The following GRHL2 variants were observed in gnomAD, a reference collection of about 807,000 sequenced individuals.
GRHL2 encodes grainyhead-like protein 2 homolog.
A neutral mutation model predicts 83.8 loss-of-function variants in GRHL2; 21 were observed. The ratio of observed to expected loss-of-function variants is 0.25; its 90% CI spans 0.18 to 0.36. The LOEUF (loss-of-function observed/expected upper bound fraction) is 0.36, where lower values mean the gene tolerates loss of function less well. Ranked by LOEUF, GRHL2 falls within the 10% of genes least tolerant of loss-of-function variation. GRHL2 has a pLI of 1.00. For synonymous variants in GRHL2, 280 were observed against 278.9 expected (o/e 1.00, Z -0.04); for missense variants, 623 against 781.8 (o/e 0.80, Z 2.42).
chr8:101,560,297 G>C (rs1422354812), intron 4 of GRHL2, among the ~76,000 whole-genome samples: 1 of 152,208 alleles, frequency 6.6e-6, no homozygotes, highest in African/African-American at 2.4e-5. Flanking sequence ...CCGAAGTGCT[G>C]GGATAGTGGT....
At chr8:101,575,519 G>A (rs1472850007) in intron 6 of GRHL2, among the ~76,000 whole-genome samples, 3 of 152,020 alleles carry the variant, frequency 2.0e-5, no homozygotes, top group Non-Finnish European at 2.9e-5. Context: ...CTTACTCCCC[G>A]GCTCTGGAGC....
intron 1 of GRHL2, among the ~76,000 whole-genome samples, chr8:101,507,860 C>T (rs1005244073): frequency 6.1e-5 from 9 of 148,046 alleles, no homozygotes; most frequent in African/African-American, 1.8e-4. Context: ...TCACTGCAAC[C>T]TCCGTCTCCC....
At chr8:101,582,897 T>C (rs1209194415) in intron 7 of GRHL2, among the ~76,000 whole-genome samples, 1 of 152,166 alleles carries the variant, frequency 6.6e-6, no homozygotes, top group Non-Finnish European at 1.5e-5. Flanking sequence ...AGGTTTAACA[T>C]GAATATCTTG....
intron 1 of GRHL2, among the ~76,000 whole-genome samples, chr8:101,508,206 A>G (rs1048359004): frequency 6.6e-6 from 1 of 152,190 alleles, no homozygotes; most frequent in Non-Finnish European, 1.5e-5. Flanking sequence ...TTTGGTTCAT[A>G]TTTCCAAATT....
downstream of GRHL2, among the ~76,000 whole-genome samples, chr8:101,669,970 T>G (rs1408838759): frequency 3.3e-5 from 5 of 152,226 alleles, no homozygotes; most frequent in Non-Finnish European, 7.3e-5. Flanking sequence ...GGGTGGTTAT[T>G]CTTGGCCAGT....
At chr8:101,637,710 C>G (rs1813317770) in intron 12 of GRHL2, among the ~76,000 whole-genome samples, 1 of 152,182 alleles carries the variant, frequency 6.6e-6, no homozygotes. Flanking sequence ...ATGGAGAGTT[C>G]ATGTGTGTGA....
chr8:101,664,620 C>A, intron 15 of GRHL2, 102 bp downstream of exon 15: 1 of 833,672 alleles, frequency 1.2e-6, no homozygotes, highest in Non-Finnish European at 2.0e-6. Context: ...CTGTTGCCCA[C>A]TTTTCATAAA....
intron 7 of GRHL2, among the ~76,000 whole-genome samples, chr8:101,595,767 A>G (rs548229990): frequency 1.3e-4 from 7 of 53,118 alleles, no homozygotes; most frequent in East Asian, 3.9e-4. Flanking sequence ...ATACCCTAAG[A>G]AAAAAAAAAT....
At chr8:101,584,587 C>T (rs1351488303) in intron 7 of GRHL2, among the ~76,000 whole-genome samples, 1 of 151,920 alleles carries the variant, frequency 6.6e-6, no homozygotes, top group African/African-American at 2.4e-5. Flanking sequence ...TTTATTTAAA[C>T]TGTTAAAAAA....
chr8:101,677,041 T>A, the GRHL2 span, among the ~76,000 whole-genome samples: 1 of 151,412 alleles, frequency 6.6e-6, no homozygotes, highest in African/African-American at 2.4e-5. Context: ...AAGGGGAATA[T>A]CACACTCCAG....
At chr8:101,647,876 TGGGAGGAGG>T (rs1485063109) in intron 13 of GRHL2, among the ~76,000 whole-genome samples, 3 of 150,936 alleles carry the variant, frequency 2.0e-5, no homozygotes, top group East Asian at 3.9e-4. Flanking sequence ...CCCCCAGGAT[TGGGAGGAGG>T]GGGAGGAGGG....
the GRHL2 span, among the ~76,000 whole-genome samples, chr8:101,676,104 AC>A: frequency 6.6e-6 from 1 of 151,322 alleles, no homozygotes; most frequent in East Asian, 1.9e-4. Flanking sequence ...AACCATAAAA[AC>A]CCTAGAAGAA....
chr8:101,589,855 A>G (rs1013895698), intron 7 of GRHL2, among the ~76,000 whole-genome samples: 1 of 152,140 alleles, frequency 6.6e-6, no homozygotes, highest in African/African-American at 2.4e-5. Context: ...TTATGTATGG[A>G]AAGGTGCTCA....
chr8:101,568,377 G>T (rs913133009), intron 4 of GRHL2, among the ~76,000 whole-genome samples: 1 of 152,090 alleles, frequency 6.6e-6, no homozygotes, highest in Non-Finnish European at 1.5e-5. Context: ...CCCTTGCTTG[G>T]GTTACTTTCT....
At chr8:101,612,711 G>A (rs1812777801) in intron 8 of GRHL2, among the ~76,000 whole-genome samples, 1 of 150,866 alleles carries the variant, frequency 6.6e-6, no homozygotes, top group African/African-American at 2.5e-5. Context: ...TATTGTTTAT[G>A]AAAGCAAGAG....
At chr8:101,566,255 C>A (rs1811715246) in intron 4 of GRHL2, among the ~76,000 whole-genome samples, 1 of 152,022 alleles carries the variant, frequency 6.6e-6, no homozygotes, top group Non-Finnish European at 1.5e-5. Context: ...CATTTTATAC[C>A]TTAGGAGGAT....
At chr8:101,571,143 A>G (rs984179912) in intron 5 of GRHL2, among the ~76,000 whole-genome samples, 2 of 147,802 alleles carry the variant, frequency 1.4e-5, no homozygotes, top group African/African-American at 2.4e-5. Flanking sequence ...GTCCTGCTAC[A>G]GAGATATATA....
chr8:101,652,186 C>A (rs146850145), intron 14 of GRHL2, among the ~76,000 whole-genome samples: 1 of 151,312 alleles, frequency 6.6e-6, no homozygotes, highest in South Asian at 2.1e-4. Flanking sequence ...TACTAGTGCA[C>A]GACACTTTAC....
rs182786506 is a variant in GRHL2 at position 101,669,445 on chromosome 8, T to G, written c.*2742T>G. On this transcript the variant is annotated 3_prime_UTR_variant, in exon 16 of 16. Coordinates refer to ENST00000646743, the MANE Select transcript of GRHL2 (RefSeq NM_024915.4). ...TCCCTGCCCAGAAACTTAGGAAGCATGAAATAAATCAAATGTTTATTTTCC... is the reference window on the plus strand; with the variant it reads ...TCCCTGCCCAGAAACTTAGGAAGCAGGAAATAAATCAAATGTTTATTTTCC... 6.6e-6 allele frequency: 1 copy of G among 152,492 alleles called. No individual in the cohort carries two copies. Among genetic ancestry groups the G allele is most frequent in the African/African-American group, 2.4e-5 (1 of 41,430 alleles). The allele number at this position is 152,492 out of a possible 1,614,324, so 9.4% of individuals were successfully genotyped here.
Sources: gnomAD v4.1 joint callset for allele counts (sites outside exome capture counted in the v4.1 genomes callset) on GRCh38, gnomAD v4.1.1 for gene constraint, MANE v1.5 for transcripts, NCBI Gene and HGNC (gene_info 2026-07-23, HGNC 2026-07-21) for gene names.